Variants in EYS observed in about 807,000 individuals in gnomAD.
The protein encoded by EYS is EGF-like photoreceptor maintenance factor, also known as protein eyes shut homolog.
In EYS, 250 loss-of-function variants were observed where a neutral mutation model predicts 282.1. The ratio of observed to expected loss-of-function variants is 0.89; its 90% CI spans 0.80 to 0.98. EYS has a LOEUF of 0.98. Among genes scored for constraint, EYS ranks in the 50% least tolerant of loss-of-function variants. EYS has a pLI of 0.00. For missense variants in EYS, 4,016 were observed against 3,709.0 expected (o/e 1.08, Z -2.15); for synonymous variants, 1,355 against 1,282.9 (o/e 1.06, Z -1.20).
At chr6:65,683,232 A>C in intron 1 of EYS, among the ~76,000 whole-genome samples, 1 of 152,030 alleles carries the variant, frequency 6.6e-6, no homozygotes, top group Non-Finnish European at 1.5e-5. Context: ...CTTCATTAGA[A>C]TTTAGTTTTA....
At chr6:64,790,774 C>T (rs1011634010) in intron 22 of EYS, among the ~76,000 whole-genome samples, 3 of 151,728 alleles carry the variant, frequency 2.0e-5, no homozygotes, top group African/African-American at 7.2e-5. Context: ...TTCAAAGATA[C>T]GATTTCTGGT....
At chr6:64,104,168 A>G (rs1320456173) in intron 31 of EYS, among the ~76,000 whole-genome samples, 2 of 152,182 alleles carry the variant, frequency 1.3e-5, no homozygotes, top group Middle Eastern at 3.4e-3. Flanking sequence ...ACAAAGATGG[A>G]ATGGTAACCT....
At chr6:64,446,722 T>C (rs1042969376) in intron 26 of EYS, among the ~76,000 whole-genome samples, 14 of 152,102 alleles carry the variant, frequency 9.2e-5, no homozygotes, top group Admixed American at 7.9e-4. Flanking sequence ...AAATTGATAG[T>C]TTGATAATTA....
In EYS at chr6:63,945,912, C is replaced by A. The variant is rs550093301; in HGVS notation, c.7055+38471G>T. Among the ~76,000 whole-genome samples, 7 of 152,324 alleles carry A rather than the reference C, an allele frequency of 4.6e-5. No homozygotes were observed. In the East Asian group the frequency reaches 1.3e-3, roughly 29 times the overall value. On this transcript the variant is annotated intron_variant, in intron 35 of 42. Coordinates refer to ENST00000503581, the MANE Select transcript of EYS (RefSeq NM_001142800.2). ...CTCTAATGGCTTCACAAGTATTTGT[C>A]CCAACTGCCCTTTCCTTATTCCTTT...
chr6:64,695,724 A>G (rs1770556218), intron 22 of EYS, among the ~76,000 whole-genome samples: 2 of 151,482 alleles, frequency 1.3e-5, no homozygotes, highest in African/African-American at 2.4e-5. Flanking sequence ...AGCTGGGTTT[A>G]CAGGCATGCA....
chr6:65,536,595 G>T (rs1767971036), intron 2 of EYS, among the ~76,000 whole-genome samples: 2 of 151,994 alleles, frequency 1.3e-5, no homozygotes, highest in Non-Finnish European at 2.9e-5. Flanking sequence ...CTAGCTATTT[G>T]GATAATATCT....
At chr6:63,938,368 G>A (rs1582000147) in intron 35 of EYS, among the ~76,000 whole-genome samples, 1 of 152,166 alleles carries the variant, frequency 6.6e-6, no homozygotes, top group East Asian at 1.9e-4. Context: ...AGAAAGGGAT[G>A]TCCCTCAGGT....
chr6:63,731,596 A>G (rs949935288), intron 41 of EYS, among the ~76,000 whole-genome samples: 8 of 152,132 alleles, frequency 5.3e-5, no homozygotes, highest in Non-Finnish European at 1.2e-4. Context: ...ATAATCATCT[A>G]TATTTTTCCC....
At chr6:65,301,087 T>C (rs1768808745) in intron 11 of EYS, 1 of 152,238 alleles carries the variant, frequency 6.6e-6, no homozygotes, top group Admixed American at 6.5e-5. Flanking sequence ...ATTCGGCTTA[T>C]TTAGTGGCTT....
intron 12 of EYS, among the ~76,000 whole-genome samples, chr6:65,233,296 A>G (rs543302515): frequency 6.6e-6 from 1 of 152,202 alleles, no homozygotes; most frequent in African/African-American, 2.4e-5. Flanking sequence ...TGTAGCACCT[A>G]TGAATACATT....
chr6:65,592,324 A>G (rs1263143456), intron 2 of EYS, among the ~76,000 whole-genome samples: 2 of 151,962 alleles, frequency 1.3e-5, no homozygotes, highest in Admixed American at 6.6e-5. Context: ...ATATAACTGA[A>G]TTTTATATAT....
Position 63,721,114 on chromosome 6 carries a change from T to C in EYS, c.8917A>G (p.Arg2973Gly), listed in dbSNP as rs1022087052. 3 of 1,551,510 alleles carry C rather than the reference T, an allele frequency of 1.9e-6. No individual in the cohort carries two copies. Among genetic ancestry groups the C allele is most frequent in the East Asian group, 4.9e-5 (2 of 40,914 alleles). ...GTAGTGAACTGGAGGTTTCTCATTC[T>C]ATAATTTGGATCAATGTATTTAATG... ...SYIKYIDPNY[R>G]MRNLQFTTIS... is the part of the protein sequence containing the mutation. The change falls in exon 43 of 43, where the codon AGA becomes GGA. Residue 2973 changes from arginine to glycine, a missense_variant. Coordinates refer to ENST00000503581, the MANE Select transcript of EYS (RefSeq NM_001142800.2).
chr6:64,487,719 T>C (rs989651046), intron 26 of EYS, among the ~76,000 whole-genome samples: 2 of 151,058 alleles, frequency 1.3e-5, no homozygotes, highest in African/African-American at 2.4e-5. Flanking sequence ...CATATGTTAT[T>C]TTTTAAACTG....
chr6:64,092,800 C>T (rs770111629), intron 31 of EYS, among the ~76,000 whole-genome samples: 13,315 of 148,076 alleles, frequency 0.09, 1,109 homozygotes, highest in African/African-American at 0.22. Context: ...GCCATTGCTT[C>T]TGGTGTTTTA....
At chr6:64,284,246 C>T (rs1768411318) in intron 30 of EYS, among the ~76,000 whole-genome samples, 1 of 152,128 alleles carries the variant, frequency 6.6e-6, no homozygotes, top group African/African-American at 2.4e-5. Context: ...TACAGCCATT[C>T]CAAACAGGAT....
intron 31 of EYS, among the ~76,000 whole-genome samples, chr6:64,100,123 T>G (rs887099615): frequency 6.6e-6 from 1 of 151,054 alleles, no homozygotes; most frequent in Non-Finnish European, 1.5e-5. Context: ...CTGTGCAATT[T>G]GAAAATATTA....
chr6:65,509,114 C>T (rs761583018), intron 2 of EYS, among the ~76,000 whole-genome samples: 7 of 152,252 alleles, frequency 4.6e-5, no homozygotes, highest in Middle Eastern at 3.4e-3. Flanking sequence ...AGAGGAGTAA[C>T]GTACTATAAA....
chr6:64,983,592 C>G (rs1470930615), intron 14 of EYS, among the ~76,000 whole-genome samples: 1 of 151,172 alleles, frequency 6.6e-6, no homozygotes, highest in Non-Finnish European at 1.5e-5. Flanking sequence ...TATTTGGATA[C>G]TATTATAAAG....
chr6:64,712,019 C>A (rs1771231080), intron 22 of EYS, among the ~76,000 whole-genome samples: 1 of 152,168 alleles, frequency 6.6e-6, no homozygotes, highest in African/African-American at 2.4e-5. Flanking sequence ...GTGCACCGAA[C>A]CCAGAGGACA....
Sources: gnomAD v4.1 joint callset for allele counts (sites outside exome capture counted in the v4.1 genomes callset) on GRCh38, gnomAD v4.1.1 for gene constraint, MANE v1.5 for transcripts, NCBI Gene and HGNC (gene_info 2026-07-23, HGNC 2026-07-21) for gene names.